Variants in ESF1 observed in about 807,000 individuals in gnomAD.
ESF1 encodes ESF1 nucleolar pre-rRNA processing protein, also known as ESF1 homolog.
ESF1 carries 58 observed loss-of-function variants against 92.0 expected under a neutral mutation model. The observed-to-expected ratio is 0.63, with a 90% CI of 0.51 to 0.78. The LOEUF (loss-of-function observed/expected upper bound fraction) is 0.78. Ranked by LOEUF, ESF1 falls within the 30% of genes least tolerant of loss-of-function variation. ESF1 has a pLI of 0.00. For missense variants in ESF1, 922 were observed against 989.1 expected (o/e 0.93, Z 0.91); for synonymous variants, 321 against 313.7 (o/e 1.02, Z -0.24).
At position 13,714,617 on chromosome 20, in the gene ESF1, T is replaced by C. The variant is rs1007323536; in HGVS notation, c.*257A>G. 2.4e-5 allele frequency: 7 copies of C among 290,722 alleles called. No homozygotes were observed. Among genetic ancestry groups the C allele is most frequent in the South Asian group, 2.2e-4 (3 of 13,742 alleles). The allele number at this position is 290,722 out of a possible 1,614,324, so 18.0% of individuals were successfully genotyped here. On this transcript the variant is annotated 3_prime_UTR_variant, in exon 14 of 14. Coordinates refer to ENST00000617257, the MANE Select transcript of ESF1 (RefSeq NM_001276380.2). ...ACTTTCCACTAGTTAGAACTGAACA[T>C]TGTAAAATATAAAAATTTTATAAAC...
At chr20:13,742,793 C>A (rs1311732136) in intron 9 of ESF1, among the ~76,000 whole-genome samples, 1 of 152,132 alleles carries the variant, frequency 6.6e-6, no homozygotes, top group Non-Finnish European at 1.5e-5. Context: ...CCCACATTAA[C>A]AAAGTTAACA....
At chr20:13,732,187 G>A (rs1400853003) in intron 10 of ESF1, among the ~76,000 whole-genome samples, 4 of 152,130 alleles carry the variant, frequency 2.6e-5, no homozygotes, top group Non-Finnish European at 2.9e-5. Flanking sequence ...CCCAATCTAT[G>A]GGATCTGACA....
At chr20:13,780,422 ATTC>A (rs1980127307) in intron 2 of ESF1, among the ~76,000 whole-genome samples, 1 of 152,162 alleles carries the variant, frequency 6.6e-6, no homozygotes, top group Non-Finnish European at 1.5e-5. Context: ...CTCCAATCTT[ATTC>A]TTCAATTTTA....
intron 1 of ESF1, 62 bp downstream of exon 1, chr20:13,784,814 CCACA>C: frequency 5.5e-6 from 3 of 546,664 alleles, no homozygotes; most frequent in East Asian, 3.1e-5. Context: ...TTTCCCCGCG[CCACA>C]CACACACACG....
chr20:13,737,424 G>T (rs2049982002), intron 9 of ESF1, among the ~76,000 whole-genome samples: 1 of 152,130 alleles, frequency 6.6e-6, no homozygotes, highest in African/African-American at 2.4e-5. Context: ...TGAAATATCT[G>T]AAAAGTCTTC....
At chr20:13,719,443 G>A (rs180699157) in intron 11 of ESF1, among the ~76,000 whole-genome samples, 3 of 152,030 alleles carry the variant, frequency 2.0e-5, no homozygotes, top group East Asian at 3.9e-4. Flanking sequence ...GTGTATTAAC[G>A]TGTACTGAAA....
Position 13,715,177 on chromosome 20 carries a change from CAA to C in ESF1, c.2263-12_2263-11del, listed in dbSNP as rs372853781. 1.2e-3 allele frequency: 1,432 copies of C among 1,180,452 alleles called. No homozygotes were observed. Among genetic ancestry groups the C allele is most frequent in the South Asian group, 5.3e-3 (241 of 45,174 alleles). 73.1% of individuals were successfully genotyped at this position (1,180,452 alleles called of 1,614,324 possible). A position where few individuals can be genotyped will look rare whatever the true frequency, so the allele number is the denominator to read the frequency against. On this transcript the variant is annotated splice_polypyrimidine_tract_variant and intron_variant, in intron 13 of 13. Coordinates refer to ENST00000617257, the MANE Select transcript of ESF1 (RefSeq NM_001276380.2). ...CATCGTTAACATTTACCTGCAAATC[CAA>C]AAAAAAAAAAAATTAATAAATTAAT...
Position 13,759,680 on chromosome 20 carries a change from T to C in ESF1, c.1828+12A>G. The C allele has an allele frequency of 1.3e-6, 2 of 1,573,330 alleles. No individual in the cohort carries two copies. Among genetic ancestry groups the C allele is most frequent in the Non-Finnish European group, 1.7e-6 (2 of 1,170,492 alleles). ...TTCGAAAAAGAGAAAACATTTAGTA[T>C]CTAATTCTTACCTGGAACCCATTTA... is the stretch of plus-strand genomic sequence containing the variant. On this transcript the variant is annotated intron_variant, in intron 9 of 13. Coordinates refer to ENST00000617257, the MANE Select transcript of ESF1 (RefSeq NM_001276380.2).
intron 11 of ESF1, among the ~76,000 whole-genome samples, chr20:13,724,576 T>C (rs935778260): frequency 6.6e-6 from 1 of 152,214 alleles, no homozygotes; most frequent in Non-Finnish European, 1.5e-5. Context: ...TAAGCACAAA[T>C]TTAGTTTTTG....
At chr20:13,727,980 A>T (rs2049913284) in intron 11 of ESF1, among the ~76,000 whole-genome samples, 1 of 152,220 alleles carries the variant, frequency 6.6e-6, no homozygotes, top group Non-Finnish European at 1.5e-5. Context: ...TTAATTCTTG[A>T]TAGACTTTGC....
Position 13,782,612 on chromosome 20 carries a change from T to C in ESF1, c.529A>G (p.Thr177Ala). Residue 177 changes from threonine to alanine, a missense_variant, in exon 2 of 14, where the codon ACA (threonine) becomes GCA (alanine). Thr to Ala is a moderately conservative substitution (Grantham distance 58). Transcript: ENST00000617257. ...TGTTTTTCTTCGAGAGAAGAGTCTG[T>C]AGTATGTTGAACAATGTTTTTTTTC... ...KEKKNIVQHT[T>A]DSSLEEKQRT... is the part of the protein sequence containing the mutation. 1.9e-6 allele frequency: 3 copies of C among 1,606,376 alleles called. No individual in the cohort carries two copies. The highest frequency in any genetic ancestry group is 2.5e-6 in the Non-Finnish European group (3 of 1,178,304).
chr20:13,770,676 T>C (rs952915217), intron 6 of ESF1, among the ~76,000 whole-genome samples: 1 of 152,188 alleles, frequency 6.6e-6, no homozygotes, highest in African/African-American at 2.4e-5. Context: ...AGATCAAATA[T>C]AATTATTAAT....
chr20:13,770,022 C>CTGG lies in ESF1; in HGVS notation c.1404-2_1404-1insCCA. On this transcript the variant is annotated splice_acceptor_variant, in intron 6 of 13. Coordinates refer to ENST00000617257, the MANE Select transcript of ESF1 (RefSeq NM_001276380.2). LOFTEE classifies it high-confidence loss of function. Reference sequence around the variant, plus strand: ...AAAAGTAATATCATCTGGTATAAACCTAAGAAGTAAAGAAAAAAAATTTAT... The same window carrying CTGG: ...AAAAGTAATATCATCTGGTATAAACCTGGTAAGAAGTAAAGAAAAAAAATTTAT... 1.9e-6 allele frequency: 3 copies of CTGG among 1,573,682 alleles called. No homozygotes were observed. Among genetic ancestry groups the CTGG allele is most frequent in the Non-Finnish European group, 2.6e-6 (3 of 1,158,228 alleles).
chr20:13,745,150 A>G (rs1481212723), intron 9 of ESF1, among the ~76,000 whole-genome samples: 2 of 152,194 alleles, frequency 1.3e-5, no homozygotes, highest in Admixed American at 1.3e-4. Context: ...AACTCACACT[A>G]CTGGTGAGAG....
intron 5 of ESF1, among the ~76,000 whole-genome samples, chr20:13,771,914 T>A (rs1979702614): frequency 3.1e-4 from 1 of 3,208 alleles, no homozygotes; most frequent in Admixed American, 6.0e-3. Flanking sequence ...AACACATTCT[T>A]TTTTTTTTTT....
chr20:13,715,483 G>T (rs981367146), intron 13 of ESF1, among the ~76,000 whole-genome samples: 1 of 152,148 alleles, frequency 6.6e-6, no homozygotes, highest in Non-Finnish European at 1.5e-5. Context: ...TGTAGCAGTG[G>T]TTTGTGAGGC....
chr20:13,772,633 G>A lies in ESF1; in HGVS notation c.1150-18C>T. 1 of 1,541,422 alleles carries A rather than the reference G, an allele frequency of 6.5e-7. No homozygotes were observed. The highest frequency in any genetic ancestry group is 9.0e-7 in the Non-Finnish European group (1 of 1,116,748). ...GGATATATCTAAACAGAAAAAAATA[G>A]GATCAATGTAATTTGTACATTCCTT... On this transcript the variant is annotated intron_variant, in intron 4 of 13. Transcript: ENST00000617257.
chr20:13,769,443 C>T (rs990084762), intron 7 of ESF1, among the ~76,000 whole-genome samples: 32 of 152,184 alleles, frequency 2.1e-4, no homozygotes, highest in African/African-American at 7.7e-4. Flanking sequence ...ATGGTAGAGG[C>T]AGACACGCTT....
chr20:13,761,243 C>T (rs974579907), intron 8 of ESF1, among the ~76,000 whole-genome samples: 14 of 152,092 alleles, frequency 9.2e-5, no homozygotes, highest in East Asian at 7.7e-4. Flanking sequence ...ACAAACACTG[C>T]GGAAGGCCGC....
Sources: gnomAD v4.1 joint callset for allele counts (sites outside exome capture counted in the v4.1 genomes callset) on GRCh38, gnomAD v4.1.1 for gene constraint, MANE v1.5 for transcripts, NCBI Gene and HGNC (gene_info 2026-07-23, HGNC 2026-07-21) for gene names.